CCDC191: variants seen among roughly 807,000 people sequenced by gnomAD.
CCDC191 encodes the protein coiled-coil domain-containing protein 191.
In CCDC191, 99 loss-of-function variants were observed where a neutral mutation model predicts 114.0. The observed-to-expected ratio is 0.87, with a 90% CI of 0.74 to 1.03. CCDC191 has a LOEUF of 1.03. Ranked by LOEUF, CCDC191 falls within the 50% of genes least tolerant of loss-of-function variation. The pLI, the probability that CCDC191 is intolerant of heterozygous loss-of-function variation, is 0.00. For synonymous variants in CCDC191, 351 were observed against 376.0 expected (o/e 0.93, Z 0.77); for missense variants, 973 against 1,087.0 (o/e 0.90, Z 1.47).
At chr3:114,022,034 A>G (rs1372455395) in intron 7 of CCDC191, among the ~76,000 whole-genome samples, 1 of 152,186 alleles carries the variant, frequency 6.6e-6, no homozygotes, top group Non-Finnish European at 1.5e-5. Flanking sequence ...AAAGTCACTG[A>G]AGGAAGAACT....
chr3:114,024,068 A>G (rs2076283094), intron 7 of CCDC191, among the ~76,000 whole-genome samples: 1 of 152,242 alleles, frequency 6.6e-6, no homozygotes, highest in South Asian at 2.1e-4. Flanking sequence ...TTCTCAAAAG[A>G]CATTTATGCA....
intron 13 of CCDC191, among the ~76,000 whole-genome samples, 191 bp from the exon 14 acceptor site, chr3:113,980,984 TG>T (rs1423726997): frequency 6.6e-6 from 1 of 152,162 alleles, no homozygotes; most frequent in African/African-American, 2.4e-5. Context: ...CAGGAGAAGC[TG>T]GTCATGAGTC....
intron 7 of CCDC191, among the ~76,000 whole-genome samples, chr3:114,026,421 G>A (rs1207732420): frequency 1.3e-5 from 2 of 152,188 alleles, no homozygotes; most frequent in African/African-American, 4.8e-5. Flanking sequence ...AACCTAGAGG[G>A]GAGAGTTATA....
chr3:113,987,083 C>A (rs887520470), intron 13 of CCDC191, among the ~76,000 whole-genome samples: 3 of 150,256 alleles, frequency 2.0e-5, no homozygotes, highest in African/African-American at 7.4e-5. Context: ...TGTGAGAAAC[C>A]AGGCAAGCAA....
At chr3:114,002,833 T>C (rs970276254) in intron 11 of CCDC191, 5 of 961,044 alleles carry the variant, frequency 5.2e-6, no homozygotes, top group Non-Finnish European at 5.0e-6. Flanking sequence ...TTGATGATAC[T>C]TTTAGTATAT....
At chr3:113,988,297 C>T (rs552329105) in intron 13 of CCDC191, among the ~76,000 whole-genome samples, 1 of 151,600 alleles carries the variant, frequency 6.6e-6, no homozygotes, top group Non-Finnish European at 1.5e-5. Context: ...AGTTTGAGAC[C>T]AGCCTGGTCA....
At chr3:113,989,499 T>G (rs1240627072) in intron 13 of CCDC191, among the ~76,000 whole-genome samples, 2 of 151,746 alleles carry the variant, frequency 1.3e-5, no homozygotes, top group Non-Finnish European at 3.0e-5. Flanking sequence ...GAAATTAAAC[T>G]AGTAAAAAGT....
At chr3:114,006,640 A>T (rs7431654) in intron 9 of CCDC191, among the ~76,000 whole-genome samples, 3 of 137,810 alleles carry the variant, frequency 2.2e-5, no homozygotes, top group Non-Finnish European at 4.9e-5. Context: ...TTTATATATA[A>T]AAAACATGAA....
chr3:114,034,800 GA>G, intron 6 of CCDC191, 124 bp downstream of exon 6: 1 of 782,352 alleles, frequency 1.3e-6, no homozygotes. Context: ...TAAGATGGTG[GA>G]ATAGTGAGTG....
chr3:114,049,550 C>T (rs1217726276), intron 2 of CCDC191, among the ~76,000 whole-genome samples: 2 of 152,042 alleles, frequency 1.3e-5, no homozygotes, highest in African/African-American at 2.4e-5. Context: ...TGTCATCCTA[C>T]CTGAGTTGGA....
intron 9 of CCDC191, among the ~76,000 whole-genome samples, chr3:114,007,312 C>T (rs2075987396): frequency 1.3e-5 from 2 of 152,160 alleles, no homozygotes; most frequent in African/African-American, 4.8e-5. Context: ...ATATCAGAAG[C>T]TTCTTGTTCT....
At chr3:113,988,957 C>A (rs1194948941) in intron 13 of CCDC191, among the ~76,000 whole-genome samples, 2 of 151,876 alleles carry the variant, frequency 1.3e-5, no homozygotes, top group Non-Finnish European at 2.9e-5. Context: ...CCACACCCGG[C>A]TAATATTTTT....
chr3:114,036,590 T>C lies in CCDC191; in HGVS notation c.594+18A>G. 1 of 1,556,528 alleles carries C rather than the reference T, an allele frequency of 6.4e-7. No homozygotes were observed. Among genetic ancestry groups the C allele is most frequent in the Non-Finnish European group, 8.7e-7 (1 of 1,149,672 alleles). Reference sequence around the variant, plus strand: ...ACTGCTTCCTGTTATCCATTTTAATTTTGTTTTTCCCTCCCACCTGCTTAT... The same window carrying C: ...ACTGCTTCCTGTTATCCATTTTAATCTTGTTTTTCCCTCCCACCTGCTTAT... On this transcript the variant is annotated intron_variant, in intron 5 of 16. Transcript: ENST00000295878.
chr3:113,980,628 G>T, intron 14 of CCDC191, 22 bp downstream of exon 14: 1 of 1,542,812 alleles, frequency 6.5e-7, no homozygotes, highest in South Asian at 1.3e-5. Flanking sequence ...CTAATCTGGG[G>T]GATAACAGTG....
At chr3:114,001,211 C>G (rs2075849473) in intron 13 of CCDC191, among the ~76,000 whole-genome samples, 1 of 152,192 alleles carries the variant, frequency 6.6e-6, no homozygotes, top group East Asian at 1.9e-4. Flanking sequence ...CAACATCAGA[C>G]TGTTCCCTTA....
chr3:114,025,249 TTC>T (rs1331475548), intron 7 of CCDC191, among the ~76,000 whole-genome samples: 4 of 149,594 alleles, frequency 2.7e-5, no homozygotes, highest in African/African-American at 9.9e-5. Context: ...CCTTCCTCAT[TTC>T]AACTTACCAA....
chr3:114,046,643 T>G lies in CCDC191; in HGVS notation c.219A>C (p.Thr73=). 6.2e-7 allele frequency: 1 copy of G among 1,612,074 alleles called. No individual in the cohort carries two copies. Among genetic ancestry groups the G allele is most frequent in the East Asian group, 2.2e-5 (1 of 44,788 alleles). The change falls in exon 3 of 17, where the codon ACA becomes ACC. Residue 73 remains threonine, a synonymous_variant. Transcript: ENST00000295878. The part of the protein sequence containing the change: ...DLPRSPWGQI[T]DLKTSEQIED... ...CTATTTGCTCAGATGTTTTCAAATCTGTGATTTGGCCCCAGGGACTTCTAG... is the reference window on the plus strand; with the variant it reads ...CTATTTGCTCAGATGTTTTCAAATCGGTGATTTGGCCCCAGGGACTTCTAG...
intron 2 of CCDC191, among the ~76,000 whole-genome samples, chr3:114,051,782 A>G (rs1419345045): frequency 6.6e-6 from 1 of 152,228 alleles, no homozygotes; most frequent in Non-Finnish European, 1.5e-5. Context: ...TCTTCGGTCC[A>G]GAGGTTATAA....
Position 113,964,722 on chromosome 3 carries a change from A to G in CCDC191, c.*433T>C, listed in dbSNP as rs1198627361. ...TGGTGGGGTGCGTGTCACTGATGCT[A>G]CTGCACTAGAAGGCTGAGTGCCTTG... is the stretch of plus-strand genomic sequence containing the variant. On this transcript the variant is annotated 3_prime_UTR_variant, in exon 17 of 17. Transcript: ENST00000295878. The G allele has an allele frequency of 1.3e-5, 2 of 152,378 alleles. No homozygotes were observed. The highest frequency in any genetic ancestry group is 4.8e-5 in the African/African-American group (2 of 41,420). 9.4% of individuals were successfully genotyped at this position (152,378 alleles called of 1,614,324 possible).
Sources: allele counts gnomAD v4.1 joint callset (sites outside exome capture counted in the v4.1 genomes callset), GRCh38; gene constraint gnomAD v4.1.1; transcripts MANE v1.5; gene names NCBI Gene and HGNC (gene_info 2026-07-23, HGNC 2026-07-21).